The following FAP variants were observed in gnomAD, a reference collection of about 807,000 sequenced individuals.
The protein encoded by FAP is fibroblast activation protein alpha.
Under a neutral mutation model 126.5 loss-of-function variants are expected in FAP, and 110 were observed. That is an observed-to-expected ratio of 0.87 (90% CI 0.74 to 1.02). FAP has a LOEUF of 1.02. Among genes scored for constraint, FAP ranks in the 50% least tolerant of loss-of-function variants. The pLI, the probability that FAP is intolerant of heterozygous loss-of-function variation, is 0.00. For missense variants in FAP, 919 were observed against 909.2 expected, an observed-to-expected ratio of 1.01 and a Z score of -0.14; for synonymous variants, 334 against 297.3, an observed-to-expected ratio of 1.12 and a Z score of -1.27.
chr2:162,235,861 T>G (rs1340563900), intron 2 of FAP, among the ~76,000 whole-genome samples: 2 of 152,146 alleles, frequency 1.3e-5, no homozygotes, highest in Non-Finnish European at 2.9e-5. Flanking sequence ...GCAGCTTCAC[T>G]CCTGAAGCCA....
chr2:162,173,684 GA>G, intron 23 of FAP, 38 bp downstream of exon 23: 1 of 1,319,588 alleles, frequency 7.6e-7, no homozygotes, highest in Non-Finnish European at 1.1e-6. Flanking sequence ...TAGCATATTA[GA>G]AATTAATTAT....
At chr2:162,207,050 C>T (rs1367699334) in intron 12 of FAP, among the ~76,000 whole-genome samples, 10 of 152,136 alleles carry the variant, frequency 6.6e-5, no homozygotes, top group Admixed American at 6.5e-4. Flanking sequence ...TATACTTTAT[C>T]TAAAGACCCT....
intron 21 of FAP, chr2:162,176,134 G>A (rs1405801426): frequency 1.3e-5 from 2 of 152,090 alleles, no homozygotes; most frequent in African/African-American, 4.8e-5. Context: ...TCATTCTTTA[G>A]ACAGGGAGAA....
At chr2:162,184,278 T>C (rs1038875053) in intron 20 of FAP, among the ~76,000 whole-genome samples, 2 of 152,082 alleles carry the variant, frequency 1.3e-5, no homozygotes, top group Admixed American at 6.6e-5. Context: ...GGATCAGCCA[T>C]TGCAGAAACC....
At chr2:162,177,690 ACTCT>A (rs1687531555) in intron 21 of FAP, among the ~76,000 whole-genome samples, 2 of 151,776 alleles carry the variant, frequency 1.3e-5, no homozygotes, top group African/African-American at 2.4e-5. Flanking sequence ...GTCATTTAAC[ACTCT>A]CTATATTTTA....
intron 16 of FAP, among the ~76,000 whole-genome samples, chr2:162,196,082 C>T (rs1688242901): frequency 6.6e-6 from 1 of 152,134 alleles, no homozygotes; most frequent in Admixed American, 6.5e-5. Context: ...CAGTGCCAAG[C>T]CCCATGGAGG....
In FAP at chr2:162,234,879, C is replaced by A. The variant is rs539568367; in HGVS notation, c.91+8029G>T. Among the ~76,000 whole-genome samples the A allele has an allele frequency of 1.1e-4, 16 of 152,124 alleles. No individual in the cohort carries two copies. The South Asian group carries it at 1.5e-3, about 14-fold the overall frequency. On this transcript the variant is annotated intron_variant, in intron 2 of 25. Coordinates refer to ENST00000188790, the MANE Select transcript of FAP (RefSeq NM_004460.5). Reference sequence around the variant, plus strand: ...TGGAGGGAGAGGCAGGGAGGGGAACCCGGGCTGCACCCCACGCTTGCCGGC... The same window carrying A: ...TGGAGGGAGAGGCAGGGAGGGGAACACGGGCTGCACCCCACGCTTGCCGGC...
In FAP at chr2:162,188,250, G is replaced by A. The variant is rs1057479891; in HGVS notation, c.1733C>T (p.Ala578Val). The A allele has an allele frequency of 6.2e-6, 10 of 1,613,302 alleles. No individual in the cohort carries two copies. The highest frequency in any genetic ancestry group is 1.7e-5 in the Admixed American group (1 of 59,926). The change falls in exon 20 of 26, where the codon GCT (alanine) becomes GTT (valine). Residue 578 changes from alanine (A) to valine (V), a missense_variant. Physicochemically the swap from Ala to Val is moderately conservative, Grantham distance 64 (BLOSUM62 0). Coordinates refer to ENST00000188790, the MANE Select transcript of FAP (RefSeq NM_004460.5). ...ATAGAGGAGTTTGTCACCTTGGAAA[G>A]CTGTTCCTCGACCATCCACCAAGGC... ...VIALVDGRGT[A>V]FQGDKLLYAV...
chr2:162,193,521 G>C (rs1240493827), intron 17 of FAP: 1 of 152,086 alleles, frequency 6.6e-6, no homozygotes. Flanking sequence ...AGAAAGGCTG[G>C]CTATTATTTT....
At chr2:162,243,132 C>A in intron 1 of FAP, 140 bp from the exon 2 acceptor site, 1 of 830,836 alleles carries the variant, frequency 1.2e-6, no homozygotes, top group Admixed American at 2.4e-5. Flanking sequence ...GCTATAATTG[C>A]TGGAATTCTT....
chr2:162,182,455 T>C (rs1687724554), intron 21 of FAP, among the ~76,000 whole-genome samples: 1 of 152,206 alleles, frequency 6.6e-6, no homozygotes, highest in Non-Finnish European at 1.5e-5. Context: ...TATTTAACAT[T>C]TGATAGTTTT....
chr2:162,209,753 T>G (rs531916733), intron 12 of FAP, 199 bp downstream of exon 12: 2 of 552,382 alleles, frequency 3.6e-6, no homozygotes, highest in Non-Finnish European at 6.4e-6. Flanking sequence ...ATGAGTTATT[T>G]TCAATAGAAT....
intron 2 of FAP, among the ~76,000 whole-genome samples, chr2:162,228,062 C>T (rs1288184248): frequency 2.6e-5 from 4 of 152,128 alleles, no homozygotes; most frequent in Admixed American, 2.0e-4. Context: ...TACCATAAGG[C>T]CAGGAATCAT....
At chr2:162,200,379 T>TTTGTTTTCAAA (rs1403521660) in intron 15 of FAP, among the ~76,000 whole-genome samples, 187 bp downstream of exon 15, 6 of 152,334 alleles carry the variant, frequency 3.9e-5, no homozygotes, top group African/African-American at 1.4e-4. Flanking sequence ...AAACAAATAT[T>TTTGTTTTCAAA]TTGAATTGGC....
chr2:162,218,397 A>G (rs891619653), intron 8 of FAP, among the ~76,000 whole-genome samples: 1 of 152,138 alleles, frequency 6.6e-6, no homozygotes, highest in Non-Finnish European at 1.5e-5. Flanking sequence ...TAAATAATAA[A>G]CATGTTGGCA....
chr2:162,202,814 A>G lies in FAP; in HGVS notation c.1223+58T>C, dbSNP rs559113405. On this transcript the variant is annotated intron_variant, in intron 14 of 25. Transcript: ENST00000188790. ...TAAGAGAGTTGGTACAGTATCATTT[A>G]TGTCCATCGGTGCCAATTAAAACCT... The G allele has an allele frequency of 8.1e-6, 10 of 1,235,918 alleles. No individual in the cohort carries two copies. In the Admixed American group the frequency reaches 1.5e-4, roughly 19 times the overall value. The allele number at this position is 1,235,918 out of a possible 1,614,324, so 76.6% of individuals were successfully genotyped here. A position where few individuals can be genotyped will look rare whatever the true frequency, so the allele number is the denominator to read the frequency against.
intron 2 of FAP, among the ~76,000 whole-genome samples, chr2:162,232,828 T>C (rs181142621): frequency 1.3e-5 from 2 of 152,360 alleles, no homozygotes; most frequent in Admixed American, 6.5e-5. Flanking sequence ...ATCAACCTAA[T>C]GTGTAAGAAC....
chr2:162,228,305 G>T (rs1436992753), intron 2 of FAP, among the ~76,000 whole-genome samples: 8 of 152,122 alleles, frequency 5.3e-5, no homozygotes, highest in Non-Finnish European at 1.2e-4. Flanking sequence ...GGACTAGAAG[G>T]TGTTGGCAAT....
intron 16 of FAP, chr2:162,197,875 C>A: frequency 3.0e-6 from 1 of 333,532 alleles, no homozygotes. Flanking sequence ...TAACTCTCAG[C>A]CCCAAATTAG....
Sources: gnomAD v4.1 joint callset for allele counts (sites outside exome capture counted in the v4.1 genomes callset) on GRCh38, gnomAD v4.1.1 for gene constraint, MANE v1.5 for transcripts, NCBI Gene and HGNC (gene_info 2026-07-23, HGNC 2026-07-21) for gene names.